The following OLFM3 variants were observed in gnomAD, a reference collection of about 807,000 sequenced individuals.
The protein encoded by OLFM3 is noelin-3.
A neutral mutation model predicts 48.6 loss-of-function variants in OLFM3; 20 were observed. The ratio of observed to expected loss-of-function variants is 0.41; its 90% CI spans 0.29 to 0.60. The LOEUF (loss-of-function observed/expected upper bound fraction) is 0.60. Among genes scored for constraint, OLFM3 ranks in the 20% least tolerant of loss-of-function variants. The probability of loss-of-function intolerance (pLI) is 0.28; values close to 1 mark genes in which losing one functional copy is unlikely to be tolerated. For missense variants in OLFM3, 437 were observed against 544.3 expected (o/e 0.80, Z 1.96); for synonymous variants, 222 against 198.1 (o/e 1.12, Z -1.01).
chr1:101,863,439 T>C (rs1055888358), intron 1 of OLFM3, among the ~76,000 whole-genome samples: 7 of 152,248 alleles, frequency 4.6e-5, no homozygotes, highest in Admixed American at 6.5e-5. Flanking sequence ...TTGTATGTTT[T>C]AGAGAAGAAT....
chr1:101,987,051 A>G (rs1296471119), intron 1 of OLFM3, among the ~76,000 whole-genome samples: 1 of 152,208 alleles, frequency 6.6e-6, no homozygotes. Flanking sequence ...ACTCATTTGT[A>G]ATTTTATCAA....
At chr1:101,902,169 A>G (rs1173947751) in intron 1 of OLFM3, among the ~76,000 whole-genome samples, 1 of 152,048 alleles carries the variant, frequency 6.6e-6, no homozygotes, top group East Asian at 1.9e-4. Context: ...ATGACGTGGA[A>G]GCCAAATAGG....
intron 1 of OLFM3, among the ~76,000 whole-genome samples, chr1:101,931,409 A>G (rs1236129378): frequency 6.6e-6 from 1 of 152,156 alleles, no homozygotes; most frequent in African/African-American, 2.4e-5. Context: ...CTGCCATTTG[A>G]AGGCACTGCT....
intron 1 of OLFM3, among the ~76,000 whole-genome samples, chr1:101,875,899 C>A (rs1389803863): frequency 6.6e-6 from 1 of 151,926 alleles, no homozygotes; most frequent in African/African-American, 2.4e-5. Context: ...AGTTAAATAA[C>A]AAAATGATTT....
rs908390985 is a variant in OLFM3 at position 101,802,677 on chromosome 1, T to C, written c.*1561A>G. The C allele has an allele frequency of 5.3e-5, 8 of 151,702 alleles. No homozygotes were observed. Among genetic ancestry groups the C allele is most frequent in the African/African-American group, 1.9e-4 (8 of 41,396 alleles). 9.4% of individuals were successfully genotyped at this position (151,702 alleles called of 1,614,324 possible). A position where few individuals can be genotyped will look rare whatever the true frequency, so the allele number is the denominator to read the frequency against. Reference sequence around the variant, plus strand: ...ATGAATTACACTTAAATGTTAGGATTTCTTTACATGATGCTTTATCTAAAT... The same window carrying C: ...ATGAATTACACTTAAATGTTAGGATCTCTTTACATGATGCTTTATCTAAAT... On this transcript the variant is annotated 3_prime_UTR_variant, in exon 6 of 6. Coordinates refer to ENST00000370103, the MANE Select transcript of OLFM3 (RefSeq NM_058170.4).
intron 1 of OLFM3, among the ~76,000 whole-genome samples, chr1:101,885,965 A>T (rs534629897): frequency 6.6e-6 from 1 of 152,254 alleles, no homozygotes; most frequent in East Asian, 1.9e-4. Flanking sequence ...TCAAGGGTCC[A>T]GTGTACATGT....
rs540132146 is a variant in OLFM3 at position 101,944,893 on chromosome 1, A to C, written c.69+51855T>G. On this transcript the variant is annotated intron_variant, in intron 1 of 5. Transcript: ENST00000370103. ...AGACTCCACCTCAAAAAAAAAAAAA[A>C]GTTCCTGGGCATGTGCCATTGTGAG... Among the ~76,000 whole-genome samples, 25 of 148,474 alleles carry C rather than the reference A, an allele frequency of 1.7e-4. No individual in the cohort carries two copies. In the East Asian group the frequency reaches 4.6e-3, roughly 27 times the overall value.
intron 1 of OLFM3, among the ~76,000 whole-genome samples, chr1:101,852,003 G>A (rs1656239581): frequency 6.6e-6 from 1 of 152,032 alleles, no homozygotes; most frequent in African/African-American, 2.4e-5. Flanking sequence ...CACCCTTTGA[G>A]TAGACAGCCC....
chr1:101,869,184 C>A (rs1656974212), intron 1 of OLFM3, among the ~76,000 whole-genome samples: 1 of 152,156 alleles, frequency 6.6e-6, no homozygotes, highest in African/African-American at 2.4e-5. Context: ...ACAGCTTTTA[C>A]TGTGCACCTG....
chr1:101,959,723 G>A (rs768227187), intron 1 of OLFM3, among the ~76,000 whole-genome samples: 4 of 152,136 alleles, frequency 2.6e-5, no homozygotes, highest in Non-Finnish European at 4.4e-5. Flanking sequence ...AGTCAAGACC[G>A]TATAAGGCAG....
chr1:101,816,931 A>G lies in OLFM3; in HGVS notation c.592+8095T>C, dbSNP rs374638748. 2.0e-5 allele frequency among the ~76,000 whole-genome samples: 3 copies of G among 152,166 alleles called. No homozygotes were observed. In the South Asian group the frequency reaches 6.2e-4, roughly 31 times the overall value. ...CAAATGGTTATTGATTTCCTAAGCT[A>G]GAATTCATCTTGCCAAATGAAATTA... is the stretch of plus-strand genomic sequence containing the variant. On this transcript the variant is annotated intron_variant, in intron 4 of 5. Transcript: ENST00000370103.
intron 2 of OLFM3, among the ~76,000 whole-genome samples, chr1:101,831,473 G>A (rs904602784): frequency 6.6e-6 from 1 of 152,140 alleles, no homozygotes; most frequent in Non-Finnish European, 1.5e-5. Flanking sequence ...TCCCAGGTTC[G>A]CTGAACCCTG....
chr1:101,849,203 T>C (rs529810148), intron 1 of OLFM3, among the ~76,000 whole-genome samples: 1 of 152,350 alleles, frequency 6.6e-6, no homozygotes, highest in African/African-American at 2.4e-5. Flanking sequence ...TTATTAGTTG[T>C]GGGAAATTAA....
chr1:101,809,492 A>G (rs936823133), intron 4 of OLFM3, among the ~76,000 whole-genome samples: 6 of 151,896 alleles, frequency 4.0e-5, no homozygotes, highest in Admixed American at 2.0e-4. Context: ...GCACTTTCCA[A>G]AAATTTACCT....
At chr1:101,985,327 G>A (rs1233470984) in intron 1 of OLFM3, among the ~76,000 whole-genome samples, 1 of 152,160 alleles carries the variant, frequency 6.6e-6, no homozygotes, top group Non-Finnish European at 1.5e-5. Context: ...CAGGTTTTGC[G>A]AATTAGAAAG....
chr1:101,804,210 T>C lies in OLFM3; in HGVS notation c.*28A>G, dbSNP rs574454419. 4.1e-5 allele frequency: 62 copies of C among 1,517,232 alleles called. No individual in the cohort carries two copies. The South Asian group carries it at 7.0e-4, about 17-fold the overall frequency. The allele number at this position is 1,517,232 out of a possible 1,614,324, so 94.0% of individuals were successfully genotyped here. A position where few individuals can be genotyped will look rare whatever the true frequency, so the allele number is the denominator to read the frequency against. ...AGAGTTTATCACAAATCACACTGTT[T>C]AAATCAATGAAAACATGTCACATTT... On this transcript the variant is annotated 3_prime_UTR_variant, in exon 6 of 6. Transcript: ENST00000370103. The surrounding 1 kb of genome is among the most constrained non-coding windows in gnomAD (Gnocchi z 4.5).
intron 1 of OLFM3, among the ~76,000 whole-genome samples, chr1:101,874,296 T>C (rs913572772): frequency 2.0e-5 from 3 of 151,860 alleles, no homozygotes; most frequent in Non-Finnish European, 4.4e-5. Flanking sequence ...GAAATTCCAA[T>C]GAGTATTAGT....
intron 1 of OLFM3, among the ~76,000 whole-genome samples, chr1:101,909,865 T>C (rs1266587801): frequency 1.3e-5 from 2 of 152,200 alleles, no homozygotes; most frequent in African/African-American, 4.8e-5. Context: ...GGGTGTATAC[T>C]GGTTTGAAGA....
At chr1:101,891,747 T>A (rs1246318366) in intron 1 of OLFM3, among the ~76,000 whole-genome samples, 1 of 152,030 alleles carries the variant, frequency 6.6e-6, no homozygotes, top group Non-Finnish European at 1.5e-5. Context: ...CCAATGTGTA[T>A]ATGCAAAGCT....
Sources: allele counts gnomAD v4.1 joint callset (sites outside exome capture counted in the v4.1 genomes callset), GRCh38; gene constraint gnomAD v4.1.1; non-coding constraint Gnocchi (gnomAD v3.1); transcripts MANE v1.5; gene names NCBI Gene and HGNC (gene_info 2026-07-23, HGNC 2026-07-21).